Variants in EVA1C observed in about 807,000 individuals in gnomAD.
The protein encoded by EVA1C is protein eva-1 homolog C.
Under a neutral mutation model 45.4 loss-of-function variants are expected in EVA1C, and 25 were observed. The observed-to-expected ratio is 0.55, with a 90% confidence interval of 0.40 to 0.77. EVA1C has a LOEUF of 0.77. Among genes scored for constraint, EVA1C ranks in the 30% least tolerant of loss-of-function variants. EVA1C has a pLI of 0.00. For missense variants in EVA1C, 479 were observed against 554.8 expected, an observed-to-expected ratio of 0.86 and a Z score of 1.37; for synonymous variants, 190 against 221.2, an observed-to-expected ratio of 0.86 and a Z score of 1.25.
chr21:32,424,772 G>A (rs2833812), intron 1 of EVA1C, among the ~76,000 whole-genome samples: 58,407 of 151,952 alleles, frequency 0.38, 11,860 homozygotes, highest in African/African-American at 0.51. Context: ...ACTTTCAAGT[G>A]CAAAGGTCCC....
chr21:32,457,446 C>T, intron 2 of EVA1C, 151 bp from the exon 3 acceptor site: 1 of 775,456 alleles, frequency 1.3e-6, no homozygotes, highest in Non-Finnish European at 2.2e-6. Flanking sequence ...CTAACCCAAT[C>T]ACCCACGTCT....
rs200622821 is a variant in EVA1C, at chr21:32,416,712, A to AG, written c.160+3701dup. Among the ~76,000 whole-genome samples, 785 of 152,272 alleles carry AG rather than the reference A, an allele frequency of 5.2e-3. 9 individuals carry two copies. Among genetic ancestry groups the AG allele is most frequent in the Admixed American group, 0.027 (420 of 15,280 alleles). On this transcript the variant is annotated intron_variant, in intron 1 of 7. Coordinates refer to ENST00000300255, the MANE Select transcript of EVA1C (RefSeq NM_058187.5). ...GGCTTCTAGGTAGAGGTGGGGAGGAAGGAAGGGAAGGAAAGGGTAGAAAGT... is the reference window on the plus strand; with the variant it reads ...GGCTTCTAGGTAGAGGTGGGGAGGAAGGGAAGGGAAGGAAAGGGTAGAAAGT...
In EVA1C at chr21:32,453,380, T is replaced by C; in HGVS notation, c.229T>C (p.Cys77Arg). 1.2e-6 allele frequency: 2 copies of C among 1,611,562 alleles called. No individual in the cohort carries two copies. Among genetic ancestry groups the C allele is most frequent in the East Asian group, 4.5e-5 (2 of 44,878 alleles). Reference protein sequence around the residue: ...ACDGDYLNLQCPRHSTISVQS... With the variant: ...ACDGDYLNLQRPRHSTISVQS... ...TGATGGGGACTATTTGAATCTACAG[T>C]GCCCTCGGCATTCTACGATAAGTGT... The change falls in exon 2 of 8, where the codon TGC becomes CGC. Residue 77 changes from cysteine to arginine, a missense_variant. Cys to Arg is a radical substitution (Grantham distance 180). Around this residue, in one of 3 missense-constraint regions of EVA1C, gnomAD observed 33 missense variants for 64.9 expected, o/e 0.51. Coordinates refer to ENST00000300255, the MANE Select transcript of EVA1C (RefSeq NM_058187.5).
At chr21:32,416,424 G>A (rs2034052594) in intron 1 of EVA1C, among the ~76,000 whole-genome samples, 1 of 150,736 alleles carries the variant, frequency 6.6e-6, no homozygotes, top group African/African-American at 2.4e-5. Flanking sequence ...TGCCTCCCAG[G>A]TTCAAGCAAC....
At chr21:32,424,986 A>G (rs2034432453) in intron 1 of EVA1C, among the ~76,000 whole-genome samples, 1 of 151,966 alleles carries the variant, frequency 6.6e-6, no homozygotes, top group Non-Finnish European at 1.5e-5. Flanking sequence ...CCTCCCAGGT[A>G]GCTGGGACTA....
chr21:32,471,794 A>T (rs1568920471), intron 4 of EVA1C, among the ~76,000 whole-genome samples: 1 of 150,456 alleles, frequency 6.6e-6, no homozygotes, highest in African/African-American at 2.5e-5. Flanking sequence ...ACGCCCCACT[A>T]TTTTTTTGTA....
chr21:32,423,070 CAAAAAAAAA>C (rs3056306), intron 1 of EVA1C, among the ~76,000 whole-genome samples: 71 of 85,596 alleles, frequency 8.3e-4, no homozygotes, highest in South Asian at 3.4e-3. Context: ...GACTCTGTCT[CAAAAAAAAA>C]AAAAAAAAAA....
chr21:32,485,000 A>G (rs555707083), intron 4 of EVA1C, among the ~76,000 whole-genome samples: 6 of 152,130 alleles, frequency 3.9e-5, no homozygotes, highest in African/African-American at 1.4e-4. Flanking sequence ...AAATCCTTCC[A>G]GAGCCCAACC....
intron 4 of EVA1C, among the ~76,000 whole-genome samples, chr21:32,487,565 C>CA (rs1374184794): frequency 1.3e-5 from 2 of 151,908 alleles, no homozygotes; most frequent in Non-Finnish European, 2.9e-5. Context: ...ACTAAAAATA[C>CA]AAAAAATTAG....
At chr21:32,454,453 T>A (rs2146254462) in intron 2 of EVA1C, among the ~76,000 whole-genome samples, 1 of 152,262 alleles carries the variant, frequency 6.6e-6, no homozygotes, top group Non-Finnish European at 1.5e-5. Flanking sequence ...AGGGAAAGAT[T>A]TGGTATAGGA....
At chr21:32,491,465 G>A (rs963391913) in intron 4 of EVA1C, among the ~76,000 whole-genome samples, 13 of 152,058 alleles carry the variant, frequency 8.5e-5, no homozygotes, top group South Asian at 6.2e-4. Flanking sequence ...GAGGCGGGTG[G>A]ATCACCGGGG....
At chr21:32,423,123 T>C (rs187197694) in intron 1 of EVA1C, among the ~76,000 whole-genome samples, 76 of 149,166 alleles carry the variant, frequency 5.1e-4, no homozygotes, top group Middle Eastern at 6.9e-3. Flanking sequence ...GGTACAACTT[T>C]GAATGCACTT....
In EVA1C at chr21:32,412,827, C is replaced by G. The variant is rs953291719; in HGVS notation, c.-27C>G. 3 of 1,386,566 alleles carry G rather than the reference C, an allele frequency of 2.2e-6. No homozygotes were observed. Among genetic ancestry groups the G allele is most frequent in the South Asian group, 1.6e-5 (1 of 61,126 alleles). 85.9% of individuals were successfully genotyped at this position (1,386,566 alleles called of 1,614,324 possible). A position where few individuals can be genotyped will look rare whatever the true frequency, so the allele number is the denominator to read the frequency against. On this transcript the variant is annotated 5_prime_UTR_variant, in exon 1 of 8. Transcript: ENST00000300255. ...CGACCCCCAGCGCGTCCCGGGCCTG[C>G]GCCTCCGCCCCGCCGCGCAGCGCAC...
rs1442847309 is a variant in EVA1C, at chr21:32,452,167, G to C, written c.161-1145G>C. 6.6e-6 allele frequency: 1 copy of C among 152,254 alleles called. No individual in the cohort carries two copies. Among genetic ancestry groups the C allele is most frequent in the African/African-American group, 2.4e-5 (1 of 41,454 alleles). 9.4% of individuals were successfully genotyped at this position (152,254 alleles called of 1,614,324 possible). ...AGGATGGGCATCCACACATCCAGGG[G>C]ACACTCACCCCGATTTTTTTCCTGG... On this transcript the variant is annotated intron_variant, in intron 1 of 7. Transcript: ENST00000300255. This position sits in a 1 kb window ranked among gnomAD's most constrained non-coding sequence, Gnocchi z 4.0.
chr21:32,475,221 G>A (rs974529043), intron 4 of EVA1C, among the ~76,000 whole-genome samples: 1 of 152,192 alleles, frequency 6.6e-6, no homozygotes, highest in East Asian at 1.9e-4. Context: ...GAACACACGC[G>A]GTGAAACCCA....
chr21:32,442,151 C>G (rs890270422), intron 1 of EVA1C, among the ~76,000 whole-genome samples: 3 of 152,206 alleles, frequency 2.0e-5, no homozygotes, highest in Non-Finnish European at 4.4e-5. Flanking sequence ...TCTGCCTTGT[C>G]TGGACTCTCA....
At chr21:32,506,123 T>C (rs2037714505) in intron 7 of EVA1C, among the ~76,000 whole-genome samples, 1 of 151,742 alleles carries the variant, frequency 6.6e-6, no homozygotes, top group African/African-American at 2.4e-5. Flanking sequence ...TCTATCCTTT[T>C]ATGTGATTGT....
chr21:32,471,326 TTTTTC>T (rs201513394), intron 4 of EVA1C, among the ~76,000 whole-genome samples: 4,477 of 122,686 alleles, frequency 0.036, 111 homozygotes, highest in South Asian at 0.082. Context: ...CTTTTTTTCT[TTTTTC>T]TTTTTTTTTT....
At chr21:32,421,938 G>A (rs2034288475) in intron 1 of EVA1C, among the ~76,000 whole-genome samples, 1 of 151,194 alleles carries the variant, frequency 6.6e-6, no homozygotes, top group African/African-American at 2.4e-5. Context: ...CCAGCTAGTT[G>A]GAAGGCTGCG....
Sources: gnomAD v4.1 joint callset for allele counts (sites outside exome capture counted in the v4.1 genomes callset) on GRCh38, gnomAD v4.1.1 for gene constraint, gnomAD v4.1.1 regional missense constraint, Gnocchi (gnomAD v3.1) non-coding constraint, MANE v1.5 for transcripts, NCBI Gene and HGNC (gene_info 2026-07-23, HGNC 2026-07-21) for gene names.